Variants in ZNF33B observed in about 807,000 individuals in gnomAD.
The protein encoded by ZNF33B is zinc finger protein 33B, also known as zinc finger protein 11b (KOX 2).
In ZNF33B, 29 loss-of-function variants were observed where a neutral mutation model predicts 45.8. The observed-to-expected ratio is 0.63, with a 90% CI of 0.47 to 0.86. The LOEUF (loss-of-function observed/expected upper bound fraction) is 0.86, where lower values mean the gene tolerates loss of function less well. ZNF33B is among the 40% of genes least tolerant of loss of function. The pLI is 0.00. For synonymous variants in ZNF33B, 305 were observed against 307.8 expected, an observed-to-expected ratio of 0.99 and a Z score of 0.10; for missense variants, 831 against 909.9, an observed-to-expected ratio of 0.91 and a Z score of 1.12.
chr10:42,613,351 C>A (rs1053701498), intron 4 of ZNF33B, among the ~76,000 whole-genome samples: 2 of 151,932 alleles, frequency 1.3e-5, no homozygotes, highest in African/African-American at 4.8e-5. Context: ...AGTTCGTGAC[C>A]AGCCTGTACA....
chr10:42,601,069 T>C (rs1837598270), intron 4 of ZNF33B, among the ~76,000 whole-genome samples: 1 of 152,100 alleles, frequency 6.6e-6, no homozygotes, highest in Non-Finnish European at 1.5e-5. Flanking sequence ...ACCAAGTATA[T>C]AACTCTACAT....
At chr10:42,599,238 T>C (rs903777995) in intron 4 of ZNF33B, among the ~76,000 whole-genome samples, 1 of 152,172 alleles carries the variant, frequency 6.6e-6, no homozygotes, top group African/African-American at 2.4e-5. Context: ...ATCGATCTTC[T>C]CAATGAAACA....
chr10:42,588,505 T>C (rs548030978), downstream of ZNF33B, among the ~76,000 whole-genome samples: 2 of 152,316 alleles, frequency 1.3e-5, no homozygotes, highest in South Asian at 4.1e-4. Context: ...TTCACCCTGA[T>C]GGTGAAGATG....
rs1837003573 is a variant in ZNF33B at position 42,589,224 on chromosome 10, C to T, written c.*3389G>A. ...AGAATTCTCATATAAACCTTTAACCCTCCCATCCTCCACAGGCTCCCCAAT... is the reference window on the plus strand; with the variant it reads ...AGAATTCTCATATAAACCTTTAACCTTCCCATCCTCCACAGGCTCCCCAAT... On this transcript the variant is annotated 3_prime_UTR_variant, in exon 5 of 5. Transcript: ENST00000359467. The T allele has an allele frequency of 6.6e-6, 1 of 152,556 alleles. No individual in the cohort carries two copies. Among genetic ancestry groups the T allele is most frequent in the Non-Finnish European group, 1.5e-5 (1 of 68,444 alleles). The allele number at this position is 152,556 out of a possible 1,614,324, so 9.5% of individuals were successfully genotyped here.
chr10:42,588,775 G>A (rs1836988148), downstream of ZNF33B, among the ~76,000 whole-genome samples: 1 of 152,188 alleles, frequency 6.6e-6, no homozygotes. Context: ...ATAATTCCAA[G>A]AGCTGGTAGG....
rs1003589427 is a variant in ZNF33B, at chr10:42,638,558, GACAA to G, written c.-133_-130del. ...GGACCGCCTCCCACGCAAAACGTGA[GACAA>G]ACAAAAGGAAAGGCGGAAACGCAGA... On this transcript the variant is annotated 5_prime_UTR_variant, in exon 1 of 5. Coordinates refer to ENST00000359467, the MANE Select transcript of ZNF33B (RefSeq NM_006955.3). 3.4e-5 allele frequency: 16 copies of G among 477,014 alleles called. No homozygotes were observed. Among genetic ancestry groups the G allele is most frequent in the Middle Eastern group, 3.3e-4 (1 of 3,044 alleles). 29.5% of individuals were successfully genotyped at this position (477,014 alleles called of 1,614,324 possible).
chr10:42,627,215 G>C (rs58877883), intron 4 of ZNF33B, among the ~76,000 whole-genome samples: 1 of 152,092 alleles, frequency 6.6e-6, no homozygotes, highest in Non-Finnish European at 1.5e-5. Flanking sequence ...TGTTGGCCAG[G>C]GTGGTTGCAA....
intron 4 of ZNF33B, among the ~76,000 whole-genome samples, chr10:42,620,033 T>A (rs1327536125): frequency 1.3e-5 from 2 of 151,974 alleles, no homozygotes; most frequent in Admixed American, 1.3e-4. Context: ...CTGGCCAACA[T>A]GGCAAAACAC....
intron 1 of ZNF33B, chr10:42,579,731 A>G (rs1836798166): frequency 6.5e-6 from 1 of 154,338 alleles, no homozygotes. Flanking sequence ...GAATTTCAAC[A>G]AAGAATTGTT....
chr10:42,606,361 A>G (rs1486367722), intron 4 of ZNF33B, among the ~76,000 whole-genome samples: 1 of 152,082 alleles, frequency 6.6e-6, no homozygotes, highest in African/African-American at 2.4e-5. Context: ...GCAACTCGGG[A>G]GGCTGAGACA....
intron 1 of ZNF33B, chr10:42,582,947 A>G: frequency 3.5e-6 from 2 of 565,148 alleles, no homozygotes; most frequent in Non-Finnish European, 6.5e-6. Flanking sequence ...TCTCTTCCAC[A>G]GCACGCCAGT....
chr10:42,607,550 T>A (rs945733024), intron 4 of ZNF33B, among the ~76,000 whole-genome samples: 4 of 152,018 alleles, frequency 2.6e-5, no homozygotes, highest in African/African-American at 9.7e-5. Context: ...AATATATTCA[T>A]GTCATGTAAA....
At chr10:42,628,994 G>C (rs537617549) in intron 4 of ZNF33B, among the ~76,000 whole-genome samples, 2 of 152,168 alleles carry the variant, frequency 1.3e-5, no homozygotes, top group African/African-American at 4.8e-5. Context: ...ACATCAATGA[G>C]ATATCTCTGC....
At chr10:42,600,326 C>T (rs372548873) in intron 4 of ZNF33B, among the ~76,000 whole-genome samples, 1 of 152,072 alleles carries the variant, frequency 6.6e-6, no homozygotes, top group South Asian at 2.1e-4. Flanking sequence ...ATCTATTTCT[C>T]CTTCCAGATC....
chr10:42,579,815 A>C (rs1836799137), intron 1 of ZNF33B: 1 of 154,402 alleles, frequency 6.5e-6, no homozygotes, highest in African/African-American at 2.4e-5. Context: ...CCAACCAGAG[A>C]GCAACTGGCC....
intron 4 of ZNF33B, among the ~76,000 whole-genome samples, chr10:42,616,023 A>G (rs1011448384): frequency 2.0e-5 from 3 of 152,104 alleles, no homozygotes; most frequent in Non-Finnish European, 4.4e-5. Flanking sequence ...AGGAGTTTTG[A>G]GACCAGCCTG....
At chr10:42,576,170 G>C (rs1320232401) in intron 1 of ZNF33B, among the ~76,000 whole-genome samples, 1 of 151,814 alleles carries the variant, frequency 6.6e-6, no homozygotes, top group Non-Finnish European at 1.5e-5. Flanking sequence ...TTGTATTTTA[G>C]TAGAGACAGG....
At chr10:42,602,580 G>T (rs1305071265) in intron 4 of ZNF33B, among the ~76,000 whole-genome samples, 11 of 152,050 alleles carry the variant, frequency 7.2e-5, no homozygotes, top group Admixed American at 3.3e-4. Flanking sequence ...TTTGTGCTTT[G>T]TTCTAGGATG....
Position 42,629,578 on chromosome 10 carries a change from A to T in ZNF33B, c.250+2351T>A, listed in dbSNP as rs189138934. Among the ~76,000 whole-genome samples the T allele has an allele frequency of 3.2e-3, 490 of 152,290 alleles. 3 individuals are homozygous for T. Among genetic ancestry groups the T allele is most frequent in the African/African-American group, 0.011 (458 of 41,564 alleles). Reference sequence around the variant, plus strand: ...CTGTACCCCAAAAATAAATACACCTACTATGTACTCACAAAAATTAAAAAT... The same window carrying T: ...CTGTACCCCAAAAATAAATACACCTTCTATGTACTCACAAAAATTAAAAAT... On this transcript the variant is annotated intron_variant, in intron 4 of 4. Transcript: ENST00000359467.
Sources: gnomAD v4.1 joint callset for allele counts (sites outside exome capture counted in the v4.1 genomes callset) on GRCh38, gnomAD v4.1.1 for gene constraint, MANE v1.5 for transcripts, NCBI Gene and HGNC (gene_info 2026-07-23, HGNC 2026-07-21) for gene names.